UBE2V1: variants seen among roughly 807,000 people sequenced by gnomAD.
UBE2V1 encodes ubiquitin-conjugating enzyme E2 variant 1.
In UBE2V1, 15 loss-of-function variants were observed where a neutral mutation model predicts 19.6. The observed-to-expected ratio is 0.77, with a 90% CI of 0.51 to 1.18. The LOEUF (loss-of-function observed/expected upper bound fraction) is 1.18, where lower values mean the gene tolerates loss of function less well. Ranked by LOEUF, UBE2V1 falls within the 50% of genes most tolerant of loss-of-function variation. The pLI is 0.00. For missense variants in UBE2V1, 125 were observed against 184.8 expected (o/e 0.68, Z 1.88); for synonymous variants, 60 against 60.7 (o/e 0.99, Z 0.05).
upstream of UBE2V1, chr20:50,113,169 C>G (rs193169918): frequency 4.9e-4 from 614 of 1,264,568 alleles, 6 homozygotes; most frequent in East Asian, 0.014. Context: ...CTTCTTCACC[C>G]CCCCCTTACC....
intron 1 of UBE2V1, among the ~76,000 whole-genome samples, chr20:50,104,655 C>CAA (rs113771532): frequency 0.014 from 990 of 71,464 alleles, 51 homozygotes; most frequent in African/African-American, 0.037. Flanking sequence ...GACTCTGGCA[C>CAA]AAAAAAAAAA....
rs2078684143 is a variant in UBE2V1, at chr20:50,082,466, G to A, written c.*302C>T. ...GTGTCTTTTCACAGTTGAGTTAGATGTGCCCCACCAGTTATGATGGGAATC... is the reference window on the plus strand; with the variant it reads ...GTGTCTTTTCACAGTTGAGTTAGATATGCCCCACCAGTTATGATGGGAATC... On this transcript the variant is annotated 3_prime_UTR_variant, in exon 4 of 4. Transcript: ENST00000371674. 5.9e-5 allele frequency: 19 copies of A among 323,184 alleles called. No individual in the cohort carries two copies. In the Admixed American group the frequency reaches 8.4e-4, roughly 14 times the overall value. The allele number at this position is 323,184 out of a possible 1,614,324, so 20.0% of individuals were successfully genotyped here.
upstream of UBE2V1, chr20:50,115,674 G>T (rs73278517): frequency 2.7e-3 from 3,367 of 1,267,720 alleles, 66 homozygotes; most frequent in African/African-American, 0.046. Flanking sequence ...GAAGAGGAAG[G>T]GACACTAGAA....
intron 3 of UBE2V1, chr20:50,083,886 A>G (rs910530575): frequency 1.1e-5 from 4 of 349,528 alleles, no homozygotes; most frequent in Non-Finnish European, 2.0e-5. Flanking sequence ...TGGCATGAGG[A>G]AAGAGCTCAT....
chr20:50,086,996 G>C (rs1022630373), intron 2 of UBE2V1, among the ~76,000 whole-genome samples: 2 of 152,150 alleles, frequency 1.3e-5, no homozygotes, highest in African/African-American at 2.4e-5. Context: ...AGAATGGCAC[G>C]AACCCGGGAG....
intron 1 of UBE2V1, among the ~76,000 whole-genome samples, chr20:50,105,414 C>T (rs1393247125): frequency 2.0e-5 from 3 of 152,142 alleles, no homozygotes; most frequent in African/African-American, 2.4e-5. Flanking sequence ...TTCAAAATCA[C>T]GGTACATTAA....
intron 1 of UBE2V1, among the ~76,000 whole-genome samples, chr20:50,103,939 G>C (rs1328571359): frequency 6.7e-6 from 1 of 150,354 alleles, no homozygotes; most frequent in East Asian, 1.9e-4. Flanking sequence ...CTGGTATGCT[G>C]TCTGGCATAT....
upstream of UBE2V1, chr20:50,113,203 G>A (rs780317992): frequency 4.2e-6 from 5 of 1,198,692 alleles, no homozygotes; most frequent in Non-Finnish European, 4.2e-6. Flanking sequence ...TGATGCGCAG[G>A]CGCGCGCGCA....
upstream of UBE2V1, among the ~76,000 whole-genome samples, chr20:50,113,490 C>G (rs1569031263): frequency 6.6e-6 from 1 of 152,170 alleles, no homozygotes; most frequent in East Asian, 1.9e-4. Flanking sequence ...TGTCTAGTTC[C>G]TATCTAGATC....
rs540890887 is a variant in UBE2V1 at position 50,086,191 on chromosome 20, C to T, written c.172-1937G>A. Reference sequence around the variant, plus strand: ...TTTACTCTTCTCCCTCCCCTGCCCACCATTCCTCTTCAACCTTGCCAAGTT... The same window carrying T: ...TTTACTCTTCTCCCTCCCCTGCCCATCATTCCTCTTCAACCTTGCCAAGTT... On this transcript the variant is annotated intron_variant, in intron 2 of 3. Coordinates refer to ENST00000371674, the MANE Select transcript of UBE2V1 (RefSeq NM_001032288.3). Among the ~76,000 whole-genome samples, 48 of 152,248 alleles carry T rather than the reference C, an allele frequency of 3.2e-4. No homozygotes were observed. The Middle Eastern group carries it at 0.01, about 32-fold the overall frequency.
intron 1 of UBE2V1, among the ~76,000 whole-genome samples, chr20:50,101,678 A>G (rs546789620): frequency 4.0e-5 from 6 of 151,780 alleles, no homozygotes; most frequent in Non-Finnish European, 8.8e-5. Context: ...TACATAAATT[A>G]TCAGTAACAT....
chr20:50,102,776 C>T (rs2080088780), intron 1 of UBE2V1, among the ~76,000 whole-genome samples: 1 of 152,194 alleles, frequency 6.6e-6, no homozygotes, highest in Admixed American at 6.5e-5. Flanking sequence ...CGCAATCCAC[C>T]CAAACTTGTC....
chr20:50,097,707 C>T (rs942118624), intron 1 of UBE2V1, among the ~76,000 whole-genome samples: 3 of 152,134 alleles, frequency 2.0e-5, no homozygotes, highest in African/African-American at 7.2e-5. Flanking sequence ...GCACTATTTT[C>T]TCTGGAAAAA....
chr20:50,083,142 C>T lies in UBE2V1; in HGVS notation c.298-228G>A, dbSNP rs182819449. Among the ~76,000 whole-genome samples, 71 of 152,336 alleles carry T rather than the reference C, an allele frequency of 4.7e-4. 1 individual carries two copies. The highest frequency in any genetic ancestry group is 2.1e-3 in the East Asian group (11 of 5,186). On this transcript the variant is annotated intron_variant, in intron 3 of 3. Transcript: ENST00000371674. ...ACCATTACTATCTGGGATAAGGAAA[C>T]GGTGGTACTGACACTTGGGTGAGAC...
At chr20:50,113,237 C>T (rs1456770170), upstream of UBE2V1, 7 of 902,614 alleles carry the variant, frequency 7.8e-6, no homozygotes, top group African/African-American at 1.7e-5. Context: ...CCGCTGACGC[C>T]CGCCCCGGAG....
chr20:50,086,559 T>C (rs189718529), intron 2 of UBE2V1, among the ~76,000 whole-genome samples: 124 of 152,192 alleles, frequency 8.1e-4, no homozygotes, highest in African/African-American at 2.7e-3. Context: ...TCAGAACCTA[T>C]CATAGTCTCC....
intron 1 of UBE2V1, among the ~76,000 whole-genome samples, chr20:50,102,050 T>C (rs543865532): frequency 3.9e-5 from 6 of 152,308 alleles, no homozygotes; most frequent in South Asian, 2.1e-4. Context: ...CCAAGTCTCC[T>C]AGGTAATGAT....
chr20:50,103,629 C>A (rs1388659082), intron 1 of UBE2V1, among the ~76,000 whole-genome samples: 1 of 152,156 alleles, frequency 6.6e-6, no homozygotes, highest in Non-Finnish European at 1.5e-5. Context: ...TGGTCTCAAA[C>A]TCCTGGCCTC....
Position 50,108,967 on chromosome 20 carries a change from C to T in UBE2V1, c.22+4140G>A, listed in dbSNP as rs1297035120. On this transcript the variant is annotated intron_variant, in intron 1 of 3. Transcript: ENST00000371674. Reference sequence around the variant, plus strand: ...ACTTAGGAAGAACATATCCCTAAATCCATGCCTTTTCCATTTCCTGCAGGC... The same window carrying T: ...ACTTAGGAAGAACATATCCCTAAATTCATGCCTTTTCCATTTCCTGCAGGC... 6 of 985,326 alleles carry T rather than the reference C, an allele frequency of 6.1e-6. No homozygotes were observed. The East Asian group carries it at 5.7e-4, about 93-fold the overall frequency. 61.0% of individuals were successfully genotyped at this position (985,326 alleles called of 1,614,324 possible).
Sources: gnomAD v4.1 joint callset for allele counts (sites outside exome capture counted in the v4.1 genomes callset) on GRCh38, gnomAD v4.1.1 for gene constraint, MANE v1.5 for transcripts, NCBI Gene and HGNC (gene_info 2026-07-23, HGNC 2026-07-21) for gene names.